FANCA: variants seen among roughly 807,000 people sequenced by gnomAD.
FANCA encodes Fanconi anemia group A protein.
FANCA carries 236 observed loss-of-function variants against 194.3 expected under a neutral mutation model. That is an observed-to-expected ratio of 1.21 (90% confidence interval 1.09 to 1.35). The LOEUF (loss-of-function observed/expected upper bound fraction) is 1.35, where lower values mean the gene tolerates loss of function less well. Ranked by LOEUF, FANCA falls within the 40% of genes most tolerant of loss-of-function variation. The pLI, the probability that FANCA is intolerant of heterozygous loss-of-function variation, is 0.00. For synonymous variants in FANCA, 1,014 were observed against 715.8 expected (o/e 1.42, Z -6.65); for missense variants, 2,628 against 1,813.9 (o/e 1.45, Z -8.15).
At position 89,811,101 on chromosome 16, in the gene FANCA, T is replaced by C. The variant is rs200829750; in HGVS notation, c.284-30A>G. 2.7e-5 allele frequency: 43 copies of C among 1,613,520 alleles called. No homozygotes were observed. In the Admixed American group the frequency reaches 6.8e-4, roughly 26 times the overall value. ...AACACAAAACAAAACCATAGCTTTC[T>C]CTTAACACATGAGACAAAATCTAAA... On this transcript the variant is annotated intron_variant, in intron 3 of 42. Coordinates refer to ENST00000389301, the MANE Select transcript of FANCA (RefSeq NM_000135.4).
intron 3 of FANCA, among the ~76,000 whole-genome samples, chr16:89,812,986 T>G (rs1414334437): frequency 1.4e-5 from 2 of 147,484 alleles, no homozygotes; most frequent in Admixed American, 1.4e-4. Flanking sequence ...TGAGCCGAGA[T>G]GGCGCCATTG....
chr16:89,794,660 G>T (rs113225242), intron 11 of FANCA, among the ~76,000 whole-genome samples: 5 of 152,366 alleles, frequency 3.3e-5, no homozygotes, highest in Admixed American at 2.0e-4. Context: ...CACAGCACCT[G>T]TTGGGAGCCA....
Position 89,748,688 on chromosome 16 carries a change from G to A in FANCA, c.3319C>T (p.Gln1107Ter). ...TCAGAGTTGACCAAGTGGAAGAACT[G>A]CTCGCATCTGGCAGTGATGGGCTGT... is the stretch of plus-strand genomic sequence containing the variant. ...AEQPITARCE[Q>*]FFHLVNSEMR... Residue 1107 changes from glutamine (Q) to a stop codon, truncating the protein, a stop_gained, in exon 33 of 43, where the codon CAG becomes TAG. Coordinates refer to ENST00000389301, the MANE Select transcript of FANCA (RefSeq NM_000135.4). LOFTEE classifies it high-confidence loss of function. 1 of 1,614,114 alleles carries A rather than the reference G, an allele frequency of 6.2e-7. No individual in the cohort carries two copies.
intron 15 of FANCA, 102 bp downstream of exon 15, chr16:89,784,752 A>G (rs2039840197): frequency 1.1e-6 from 1 of 878,030 alleles, no homozygotes; most frequent in South Asian, 1.3e-5. Flanking sequence ...TGAGAGGCTC[A>G]GAGCAGATCT....
At chr16:89,799,486 C>T in intron 9 of FANCA, 119 bp downstream of exon 9, 2 of 1,092,140 alleles carry the variant, frequency 1.8e-6, no homozygotes, top group South Asian at 1.2e-5. Flanking sequence ...AGTACCAGGA[C>T]TCTGCACAGT....
chr16:89,771,302 T>G (rs1231909191), intron 23 of FANCA, among the ~76,000 whole-genome samples: 1 of 151,502 alleles, frequency 6.6e-6, no homozygotes, highest in African/African-American at 2.4e-5. Flanking sequence ...GTACAAAAAA[T>G]GCAGAAATTA....
Position 89,784,923 on chromosome 16 carries a change from C to G in FANCA, c.1401G>C (p.Lys467Asn). 6.2e-7 allele frequency: 1 copy of G among 1,614,174 alleles called. No individual in the cohort carries two copies. The highest frequency in any genetic ancestry group is 1.1e-5 in the South Asian group (1 of 91,080). Reference protein sequence around the residue: ...GSTRGYHGCSKKALVFLFTFL... With the variant: ...GSTRGYHGCSNKALVFLFTFL... The stretch of plus-strand genomic sequence containing the variant: ...ACGTAAACAGGAAGACCAGGGCCTT[C>G]TTGCTGCAGCCATGGTAGCCTCGTG... The change falls in exon 15 of 43, where the codon AAG becomes AAC. Residue 467 changes from lysine to asparagine, a missense_variant. Physicochemically the swap from Lys to Asn is moderately conservative, Grantham distance 94 (BLOSUM62 0). Coordinates refer to ENST00000389301, the MANE Select transcript of FANCA (RefSeq NM_000135.4).
intron 21 of FANCA, 24 bp from the exon 22 acceptor site, chr16:89,773,408 G>C: frequency 1.3e-6 from 2 of 1,500,154 alleles, no homozygotes; most frequent in Non-Finnish European, 9.1e-7. Context: ...GAAGAAACCA[G>C]ATGGAAAGAC....
rs1028227841 is a variant in FANCA at position 89,737,725 on chromosome 16, G to C, written c.*876C>G. ...TGTGCAGAAATGTCTTCCCAGCTGT[G>C]ATGGTTTCACATTGTCATCGTCGTC... On this transcript the variant is annotated 3_prime_UTR_variant, in exon 43 of 43. Transcript: ENST00000389301. 108 of 1,601,264 alleles carry C rather than the reference G, an allele frequency of 6.7e-5. No individual in the cohort carries two copies. Among genetic ancestry groups the C allele is most frequent in the Middle Eastern group, 1.7e-4 (1 of 6,050 alleles).
chr16:89,750,002 G>A (rs181203871), intron 31 of FANCA, 100 bp from the exon 32 acceptor site: 1 of 1,236,016 alleles, frequency 8.1e-7, no homozygotes, highest in Non-Finnish European at 1.2e-6. Context: ...TCTCCACAGT[G>A]GACAGGGCAA....
chr16:89,812,051 C>A (rs1478962881), intron 3 of FANCA, among the ~76,000 whole-genome samples: 1 of 148,500 alleles, frequency 6.7e-6, no homozygotes, highest in Admixed American at 6.7e-5. Context: ...TTTAAAGAAA[C>A]CGGGCCGGGC....
At position 89,764,930 on chromosome 16, in the gene FANCA, T is replaced by C; in HGVS notation, c.2738A>G (p.His913Arg). 1.2e-6 allele frequency: 2 copies of C among 1,614,186 alleles called. No individual in the cohort carries two copies. Among genetic ancestry groups the C allele is most frequent in the Non-Finnish European group, 8.5e-7 (1 of 1,180,024 alleles). The change falls in exon 28 of 43, where the codon CAC becomes CGC. Residue 913 changes from histidine to arginine, a missense_variant. His to Arg is a conservative substitution (Grantham distance 29, BLOSUM62 0). Coordinates refer to ENST00000389301, the MANE Select transcript of FANCA (RefSeq NM_000135.4). ...WQRAALSLWT[H>R]RTFREVLKEE... is the part of the protein sequence containing the mutation. Reference sequence around the variant, plus strand: ...TTTCAACACCTCTCGGAAGGTTCTGTGTGTCCAGAGAGAGAGGGCAGCTCT... The same window carrying C: ...TTTCAACACCTCTCGGAAGGTTCTGCGTGTCCAGAGAGAGAGGGCAGCTCT...
chr16:89,789,562 G>A (rs1026156015), intron 14 of FANCA, among the ~76,000 whole-genome samples: 2 of 150,044 alleles, frequency 1.3e-5, no homozygotes, highest in African/African-American at 2.5e-5. Flanking sequence ...TGCCTCAGCC[G>A]GTAAGTAGCC....
chr16:89,793,007 T>C (rs1414452014), intron 11 of FANCA, among the ~76,000 whole-genome samples: 2 of 152,148 alleles, frequency 1.3e-5, no homozygotes, highest in Admixed American at 1.3e-4. Context: ...GAGCCAGGTG[T>C]ACAGGATGGA....
intron 3 of FANCA, among the ~76,000 whole-genome samples, chr16:89,814,151 T>TGG (rs1267206342): frequency 6.6e-6 from 1 of 152,084 alleles, no homozygotes; most frequent in Non-Finnish European, 1.5e-5. Context: ...ACTCTCAAAC[T>TGG]GGGGGGAGAA....
At chr16:89,808,797 C>G (rs1005077140) in intron 5 of FANCA, among the ~76,000 whole-genome samples, 15 of 152,214 alleles carry the variant, frequency 9.9e-5, no homozygotes, top group Admixed American at 9.8e-4. Flanking sequence ...ACTCAACCCT[C>G]TCCCATTTGA....
In FANCA at chr16:89,738,987, C is replaced by G. The variant is rs765136708; in HGVS notation, c.4168-13G>C. 6.2e-7 allele frequency: 1 copy of G among 1,614,214 alleles called. No individual in the cohort carries two copies. The highest frequency in any genetic ancestry group is 8.5e-7 in the Non-Finnish European group (1 of 1,180,032). ...CCACGGGGTTGCCCTAGAGAGAAAA[C>G]AGGCAAACTCACAGGTTAGAAGACA... is the stretch of plus-strand genomic sequence containing the variant. On this transcript the variant is annotated splice_polypyrimidine_tract_variant and intron_variant, in intron 41 of 42. Coordinates refer to ENST00000389301, the MANE Select transcript of FANCA (RefSeq NM_000135.4).
At position 89,798,540 on chromosome 16, in the gene FANCA, A is replaced by T. The variant is rs374741198; in HGVS notation, c.893+626T>A. 118 of 1,110,876 alleles carry T rather than the reference A, an allele frequency of 1.1e-4. 1 individual carries two copies. The South Asian group carries it at 3.1e-3, about 30-fold the overall frequency. The allele number at this position is 1,110,876 out of a possible 1,614,324, so 68.8% of individuals were successfully genotyped here. A position where few individuals can be genotyped will look rare whatever the true frequency, so the allele number is the denominator to read the frequency against. On this transcript the variant is annotated intron_variant, in intron 10 of 42. Coordinates refer to ENST00000389301, the MANE Select transcript of FANCA (RefSeq NM_000135.4). ...ACTGGTTTCTCAAGACTTCACTTCA[A>T]GGTCCCCTGCCCACACTAGAGGGAA... is the stretch of plus-strand genomic sequence containing the variant.
At chr16:89,761,524 T>C (rs2038953980) in intron 29 of FANCA, among the ~76,000 whole-genome samples, 1 of 150,944 alleles carries the variant, frequency 6.6e-6, no homozygotes, top group Admixed American at 6.6e-5. Flanking sequence ...AAATTGAAAT[T>C]GTGCTCAAAG....
Sources: gnomAD v4.1 joint callset for allele counts (sites outside exome capture counted in the v4.1 genomes callset) on GRCh38, gnomAD v4.1.1 for gene constraint, MANE v1.5 for transcripts, NCBI Gene and HGNC (gene_info 2026-07-23, HGNC 2026-07-21) for gene names.